The following EYS variants were observed in gnomAD, a reference collection of about 807,000 sequenced individuals.
EYS encodes EGF-like photoreceptor maintenance factor.
Under a neutral mutation model 282.1 loss-of-function variants are expected in EYS, and 250 were observed. The observed-to-expected ratio is 0.89, with a 90% CI of 0.80 to 0.98. The LOEUF (loss-of-function observed/expected upper bound fraction) is 0.98. EYS is among the 50% of genes least tolerant of loss of function. EYS has a pLI of 0.00. For missense variants in EYS, 4,016 were observed against 3,709.0 expected (o/e 1.08, Z -2.15); for synonymous variants, 1,355 against 1,282.9 (o/e 1.06, Z -1.20).
intron 12 of EYS, among the ~76,000 whole-genome samples, chr6:65,107,643 A>G (rs1467032284): frequency 6.6e-6 from 1 of 150,982 alleles, no homozygotes; most frequent in African/African-American, 2.4e-5. Context: ...ACTAAAATCC[A>G]GGAAAGATTT....
chr6:65,667,358 C>T (rs181453124), intron 1 of EYS, among the ~76,000 whole-genome samples: 365 of 151,942 alleles, frequency 2.4e-3, no homozygotes, highest in African/African-American at 8.4e-3. Flanking sequence ...TAAATTCATA[C>T]CATTCTCTTT....
chr6:65,371,869 T>C lies in EYS; in HGVS notation c.1299+12517A>G, dbSNP rs1765166524. On this transcript the variant is annotated intron_variant, in intron 8 of 42. Transcript: ENST00000503581. Reference sequence around the variant, plus strand: ...GAGATTTTCTTTAGATTTTCAATTGTTGCAACTAAAATTTAAAACTTTTAA... The same window carrying C: ...GAGATTTTCTTTAGATTTTCAATTGCTGCAACTAAAATTTAAAACTTTTAA... Among the ~76,000 whole-genome samples, 4 of 151,498 alleles carry C rather than the reference T, an allele frequency of 2.6e-5. No homozygotes were observed. The South Asian group carries it at 6.2e-4, about 24-fold the overall frequency.
chr6:64,036,769 C>T (rs1177844189), intron 33 of EYS, among the ~76,000 whole-genome samples: 1 of 152,160 alleles, frequency 6.6e-6, no homozygotes, highest in Non-Finnish European at 1.5e-5. Flanking sequence ...AAATACTTTG[C>T]CTATATCTTC....
intron 22 of EYS, among the ~76,000 whole-genome samples, chr6:64,794,185 G>C (rs893644355): frequency 6.6e-5 from 10 of 151,992 alleles, no homozygotes; most frequent in Admixed American, 2.6e-4. Context: ...CCCACTTCAG[G>C]CTATTTATGC....
chr6:64,486,048 AC>A lies in EYS; in HGVS notation c.5645-46697del, dbSNP rs1241078842. Among the ~76,000 whole-genome samples, 11 of 151,564 alleles carry A rather than the reference AC, an allele frequency of 7.3e-5. 1 individual carries two copies. In the South Asian group the frequency reaches 2.3e-3, roughly 31 times the overall value. On this transcript the variant is annotated intron_variant, in intron 26 of 42. Transcript: ENST00000503581. ...TAAAAAGTATTGTTTTTCCACTGTA[AC>A]CTTTTATTGTAATCAAATGTGATTA... is the stretch of plus-strand genomic sequence containing the variant.
chr6:64,493,783 G>A (rs927304839), intron 26 of EYS, among the ~76,000 whole-genome samples: 1 of 151,290 alleles, frequency 6.6e-6, no homozygotes, highest in African/African-American at 2.4e-5. Flanking sequence ...TCACAACATG[G>A]GTGACTGGAA....
intron 31 of EYS, among the ~76,000 whole-genome samples, chr6:64,201,393 C>T (rs572609718): frequency 6.6e-6 from 1 of 151,950 alleles, no homozygotes. Context: ...TATGTTGGGG[C>T]TAATGGAGCT....
chr6:65,533,820 AC>A (rs1330073146), intron 2 of EYS, among the ~76,000 whole-genome samples: 1 of 152,096 alleles, frequency 6.6e-6, no homozygotes, highest in African/African-American at 2.4e-5. Context: ...TTTATAAGCC[AC>A]CCAATTTATG....
chr6:64,195,738 T>C (rs1479832635), intron 31 of EYS, among the ~76,000 whole-genome samples: 2 of 152,246 alleles, frequency 1.3e-5, no homozygotes, highest in Admixed American at 6.5e-5. Context: ...TCAAATTTAA[T>C]TGATCATTTA....
intron 1 of EYS, among the ~76,000 whole-genome samples, chr6:65,663,370 C>T (rs933945649): frequency 3.3e-5 from 5 of 151,764 alleles, no homozygotes; most frequent in Non-Finnish European, 7.4e-5. Context: ...ACAGGAGACA[C>T]CATAGAAAAA....
rs141470581 is a variant in EYS at position 64,963,118 on chromosome 6, T to A, written c.2260-17204A>T. Among the ~76,000 whole-genome samples the A allele has an allele frequency of 8.7e-3, 1,331 of 152,264 alleles. 18 individuals carry two copies. The highest frequency in any genetic ancestry group is 0.03 in the African/African-American group (1,231 of 41,560). On this transcript the variant is annotated intron_variant, in intron 14 of 42. Transcript: ENST00000503581. ...TGGTTTATCTTTCTTTAGCAGAAAA[T>A]CTCTCTCTAGGTGTAGTAAGCTAGT...
intron 31 of EYS, among the ~76,000 whole-genome samples, chr6:64,132,672 T>A (rs1229723798): frequency 6.6e-6 from 1 of 151,876 alleles, no homozygotes; most frequent in Non-Finnish European, 1.5e-5. Context: ...ATTCCAAATC[T>A]AAATATACAG....
At chr6:64,148,530 A>T (rs1035019184) in intron 31 of EYS, among the ~76,000 whole-genome samples, 1 of 152,190 alleles carries the variant, frequency 6.6e-6, no homozygotes, top group Non-Finnish European at 1.5e-5. Context: ...ACACATCAAT[A>T]GTTAAGTTGC....
intron 28 of EYS, among the ~76,000 whole-genome samples, chr6:64,431,610 C>T (rs1774578913): frequency 6.6e-6 from 1 of 152,002 alleles, no homozygotes; most frequent in African/African-American, 2.4e-5. Context: ...GTGAGTACTC[C>T]TTTGATTATT....
intron 5 of EYS, among the ~76,000 whole-genome samples, chr6:65,405,947 T>A (rs143652386): frequency 1.3e-5 from 2 of 152,212 alleles, no homozygotes; most frequent in East Asian, 3.9e-4. Flanking sequence ...GGAGTGGAAT[T>A]GCTGGATTTT....
intron 12 of EYS, among the ~76,000 whole-genome samples, chr6:65,100,038 C>A (rs1188543536): frequency 6.6e-6 from 1 of 150,726 alleles, no homozygotes; most frequent in Non-Finnish European, 1.5e-5. Context: ...AGCCTTCTCC[C>A]AGTTGATATA....
chr6:64,477,454 C>A (rs570978767), intron 26 of EYS, among the ~76,000 whole-genome samples: 61 of 152,212 alleles, frequency 4.0e-4, no homozygotes, highest in African/African-American at 1.4e-3. Context: ...ATGTTTTGTG[C>A]TGTGGTCAGT....
chr6:64,135,478 A>C (rs2150284509), intron 31 of EYS, among the ~76,000 whole-genome samples: 1 of 152,132 alleles, frequency 6.6e-6, no homozygotes, highest in South Asian at 2.1e-4. Flanking sequence ...CACTATGGGG[A>C]TATTTTAAAA....
chr6:64,273,567 T>A (rs1459894507), intron 30 of EYS, among the ~76,000 whole-genome samples: 1 of 152,180 alleles, frequency 6.6e-6, no homozygotes, highest in African/African-American at 2.4e-5. Context: ...TGAGGACTAC[T>A]ATCCTAAGTT....
Sources: allele counts gnomAD v4.1 joint callset (sites outside exome capture counted in the v4.1 genomes callset), GRCh38; gene constraint gnomAD v4.1.1; transcripts MANE v1.5; gene names NCBI Gene and HGNC (gene_info 2026-07-23, HGNC 2026-07-21).